The following UBE2U variants were observed in gnomAD, a reference collection of about 807,000 sequenced individuals.
The protein encoded by UBE2U is ubiquitin conjugating enzyme E2 U.
A neutral mutation model predicts 41.2 loss-of-function variants in UBE2U; 39 were observed. That is an observed-to-expected ratio of 0.95 (90% CI 0.73 to 1.24). The LOEUF (loss-of-function observed/expected upper bound fraction) is 1.24, where lower values mean the gene tolerates loss of function less well. Among genes scored for constraint, UBE2U ranks in the 50% most tolerant of loss-of-function variants. UBE2U has a pLI of 0.00. For synonymous variants in UBE2U, 107 were observed against 117.8 expected (o/e 0.91, Z 0.60); for missense variants, 336 against 363.1 (o/e 0.93, Z 0.61).
chr1:64,231,592 A>G (rs1644567198), intron 6 of UBE2U, among the ~76,000 whole-genome samples: 1 of 152,236 alleles, frequency 6.6e-6, no homozygotes, highest in Non-Finnish European at 1.5e-5. Flanking sequence ...TGTTAGTCTT[A>G]GGTGTGCATA....
chr1:64,221,225 C>A (rs936839308), intron 6 of UBE2U, among the ~76,000 whole-genome samples: 4 of 152,134 alleles, frequency 2.6e-5, no homozygotes, highest in African/African-American at 7.2e-5. Flanking sequence ...GATTCTCCTG[C>A]CTCAGCCTCC....
chr1:64,251,029 G>T (rs980579872), intron 8 of UBE2U, among the ~76,000 whole-genome samples: 2 of 151,634 alleles, frequency 1.3e-5, no homozygotes, highest in African/African-American at 2.4e-5. Context: ...CAACCTGCAG[G>T]TTGTGCACAT....
intron 6 of UBE2U, among the ~76,000 whole-genome samples, chr1:64,222,103 A>AAC (rs1553167063): frequency 1.3e-5 from 2 of 151,506 alleles, no homozygotes; most frequent in African/African-American, 4.9e-5. Context: ...AAAAAAAAAA[A>AAC]AAAAAACACA....
chr1:64,206,153 C>T (rs1254730424), intron 2 of UBE2U, among the ~76,000 whole-genome samples: 2 of 152,104 alleles, frequency 1.3e-5, no homozygotes, highest in East Asian at 3.9e-4. Context: ...CTCAAGAACA[C>T]TAAGCCACTA....
chr1:64,227,889 C>T (rs1652984364), intron 6 of UBE2U, among the ~76,000 whole-genome samples: 1 of 151,818 alleles, frequency 6.6e-6, no homozygotes, highest in Non-Finnish European at 1.5e-5. Context: ...ATACTGAAAA[C>T]CACAAATATT....
intron 6 of UBE2U, among the ~76,000 whole-genome samples, chr1:64,224,147 C>T (rs1178719162): frequency 6.6e-6 from 1 of 152,078 alleles, no homozygotes; most frequent in East Asian, 1.9e-4. Flanking sequence ...CGAGACAAAA[C>T]TTGAGGGATA....
At chr1:64,251,235 TAAATC>T (rs1468780935) in intron 8 of UBE2U, among the ~76,000 whole-genome samples, 1 of 151,302 alleles carries the variant, frequency 6.6e-6, no homozygotes, top group East Asian at 1.9e-4. Context: ...TTTTGAATGT[TAAATC>T]AAGGTTACAT....
intron 6 of UBE2U, among the ~76,000 whole-genome samples, chr1:64,222,091 C>CAAAAAAAAAA (rs10632119): frequency 3.1e-5 from 3 of 98,042 alleles, no homozygotes; most frequent in East Asian, 2.9e-4. Context: ...GACTCCATCT[C>CAAAAAAAAAA]AAAAAAAAAA....
chr1:64,230,697 A>G (rs1226417824), intron 6 of UBE2U, among the ~76,000 whole-genome samples: 1 of 152,174 alleles, frequency 6.6e-6, no homozygotes, highest in East Asian at 1.9e-4. Context: ...CCACTGCCAG[A>G]GGAGAGAAGT....
At chr1:64,216,581 A>G (rs1652030048) in intron 5 of UBE2U, among the ~76,000 whole-genome samples, 1 of 152,258 alleles carries the variant, frequency 6.6e-6, no homozygotes, top group South Asian at 2.1e-4. Flanking sequence ...TGAAGTTCAC[A>G]TACGCAGGCT....
At chr1:64,212,438 A>G (rs76390514) in intron 4 of UBE2U, among the ~76,000 whole-genome samples, 1,913 of 152,284 alleles carry the variant, frequency 0.013, 49 homozygotes, top group African/African-American at 0.044. Context: ...ATACCTTTGT[A>G]TCTATCATTG....
intron 4 of UBE2U, among the ~76,000 whole-genome samples, chr1:64,213,593 G>A: frequency 6.6e-6 from 1 of 152,146 alleles, no homozygotes; most frequent in East Asian, 1.9e-4. Flanking sequence ...CCAAAATCAG[G>A]AAACAGGTCT....
chr1:64,239,157 A>AAGAAGAAAAGAAGAAGAAGAAGAAGAAG lies in UBE2U; in HGVS notation c.596-2494_596-2493insGAAGAAAAGAAGAAGAAGAAGAAGAAGA. Among the ~76,000 whole-genome samples the AAGAAGAAAAGAAGAAGAAGAAGAAGAAG allele has an allele frequency of 2.0e-3, 74 of 37,066 alleles. 6 individuals are homozygous for AAGAAGAAAAGAAGAAGAAGAAGAAGAAG. Among genetic ancestry groups the AAGAAGAAAAGAAGAAGAAGAAGAAGAAG allele is most frequent in the East Asian group, 6.2e-3 (6 of 966 alleles). 24.3% of individuals were successfully genotyped at this position (37,066 alleles called of 152,430 possible). On this transcript the variant is annotated intron_variant, in intron 7 of 9. Transcript: ENST00000371077. Reference sequence around the variant, plus strand: ...GAAGAAGAAGAAGAAGAAGAAGAAGAAAGAAGAAGAAGAAGAAGAAGAAGA... The same window carrying AAGAAGAAAAGAAGAAGAAGAAGAAGAAG: ...GAAGAAGAAGAAGAAGAAGAAGAAGAAGAAGAAAAGAAGAAGAAGAAGAAGAAGAAGAAGAAGAAGAAGAAGAAGAAGA...
chr1:64,266,743 C>A (rs1570173644), intron 9 of UBE2U, among the ~76,000 whole-genome samples: 1 of 152,186 alleles, frequency 6.6e-6, no homozygotes. Flanking sequence ...CCCAAAGCAG[C>A]TTTTCCCTTG....
At chr1:64,257,869 TG>T (rs1645119470) in intron 8 of UBE2U, among the ~76,000 whole-genome samples, 1 of 144,870 alleles carries the variant, frequency 6.9e-6, no homozygotes, top group African/African-American at 2.5e-5. Flanking sequence ...CTCTCAAAGA[TG>T]GGAGAGAGTT....
At chr1:64,207,324 T>C (rs1183355907) in intron 3 of UBE2U, among the ~76,000 whole-genome samples, 1 of 152,182 alleles carries the variant, frequency 6.6e-6, no homozygotes, top group East Asian at 1.9e-4. Context: ...CTAGTTTTTG[T>C]ATTTTTAGCA....
chr1:64,250,279 C>T (rs1333575817), intron 8 of UBE2U, among the ~76,000 whole-genome samples: 1 of 152,148 alleles, frequency 6.6e-6, no homozygotes, highest in Non-Finnish European at 1.5e-5. Flanking sequence ...TACCAAGCCT[C>T]ACTTAAAAAG....
chr1:64,204,036 C>T lies in UBE2U; in HGVS notation c.-15C>T, dbSNP rs929769177. 3.1e-6 allele frequency: 5 copies of T among 1,612,194 alleles called. No homozygotes were observed. The highest frequency in any genetic ancestry group is 1.3e-5 in the African/African-American group (1 of 74,932). On this transcript the variant is annotated 5_prime_UTR_variant, in exon 1 of 10. Transcript: ENST00000371077. ...AGGCATTTGGGGACAAGTGTCAGAC[C>T]CTCCGCTGCCTATCATGCACGGCAG...
chr1:64,231,406 G>A (rs570495144), intron 6 of UBE2U, among the ~76,000 whole-genome samples: 1 of 152,268 alleles, frequency 6.6e-6, no homozygotes, highest in South Asian at 2.1e-4. Context: ...TGTTACCTCT[G>A]TTGCCAAATG....
Sources: allele counts gnomAD v4.1 joint callset (sites outside exome capture counted in the v4.1 genomes callset), GRCh38; gene constraint gnomAD v4.1.1; transcripts MANE v1.5; gene names NCBI Gene and HGNC (gene_info 2026-07-23, HGNC 2026-07-21).